FHAD1: variants seen among roughly 807,000 people sequenced by gnomAD.
FHAD1 encodes forkhead-associated domain-containing protein 1.
Under a neutral mutation model 191.3 loss-of-function variants are expected in FHAD1, and 146 were observed. The observed-to-expected ratio is 0.76, with a 90% CI of 0.67 to 0.88. The LOEUF is 0.88. Among genes scored for constraint, FHAD1 ranks in the 40% least tolerant of loss-of-function variants. The probability of loss-of-function intolerance (pLI) is 0.00; values close to 1 mark genes in which losing one functional copy is unlikely to be tolerated. For missense variants in FHAD1, 1,635 were observed against 1,785.8 expected, an observed-to-expected ratio of 0.92 and a Z score of 1.52; for synonymous variants, 616 against 672.3, an observed-to-expected ratio of 0.92 and a Z score of 1.29.
intron 3 of FHAD1, among the ~76,000 whole-genome samples, chr1:15,275,183 C>T (rs1032135881): frequency 6.6e-6 from 1 of 152,140 alleles, no homozygotes; most frequent in Non-Finnish European, 1.5e-5. Context: ...AGGATGGTCT[C>T]GATCTCCTGA....
intron 4 of FHAD1, among the ~76,000 whole-genome samples, chr1:15,293,390 T>C (rs183817433): frequency 1.2e-3 from 180 of 152,342 alleles, no homozygotes; most frequent in African/African-American, 4.2e-3. Flanking sequence ...CTCTGCATAT[T>C]TCTGAGATTC....
At chr1:15,350,810 T>TGGG (rs1456583294) in intron 19 of FHAD1, among the ~76,000 whole-genome samples, 1 of 151,910 alleles carries the variant, frequency 6.6e-6, no homozygotes, top group Non-Finnish European at 1.5e-5. Context: ...CACAGCAGGG[T>TGGG]GGGGGCTGCA....
intron 4 of FHAD1, among the ~76,000 whole-genome samples, chr1:15,292,879 T>C (rs1339440528): frequency 1.3e-5 from 2 of 152,098 alleles, no homozygotes; most frequent in African/African-American, 4.8e-5. Context: ...CCCTTGAAGA[T>C]AGGAGTTCAA....
At chr1:15,354,992 T>G (rs796096087) in intron 20 of FHAD1, among the ~76,000 whole-genome samples, 1 of 152,192 alleles carries the variant, frequency 6.6e-6, no homozygotes, top group South Asian at 2.1e-4. Flanking sequence ...GTGGATCACC[T>G]GAGGTCAGGA....
At chr1:15,358,473 C>G (rs1171383773) in intron 21 of FHAD1, among the ~76,000 whole-genome samples, 190 bp downstream of exon 21, 2 of 152,232 alleles carry the variant, frequency 1.3e-5, no homozygotes, top group Non-Finnish European at 1.5e-5. Context: ...GTTCTCTACC[C>G]ACCAGATGCC....
intron 26 of FHAD1, among the ~76,000 whole-genome samples, chr1:15,373,787 A>G (rs1160195354): frequency 6.6e-6 from 1 of 152,226 alleles, no homozygotes; most frequent in Non-Finnish European, 1.5e-5. Context: ...TAGAGGCTAC[A>G]GTGAGCCGTG....
In FHAD1 at chr1:15,289,477, G is replaced by T; in HGVS notation, c.379G>T (p.Ala127Ser). 1 of 1,551,744 alleles carries T rather than the reference G, an allele frequency of 6.4e-7. No homozygotes were observed. The highest frequency in any genetic ancestry group is 1.2e-5 in the South Asian group (1 of 84,058). Reference sequence around the variant, plus strand: ...TCGTGCCACACAGCAGCCAAACCAGGCCCCCCCACCATCACATATCCCCTT... The same window carrying T: ...TCGTGCCACACAGCAGCCAAACCAGTCCCCCCCACCATCACATATCCCCTT... ...PPRATQQPNQAPPPSHIPFHQ... is the reference protein window; with the variant it reads ...PPRATQQPNQSPPPSHIPFHQ... The change falls in exon 4 of 34, where the codon GCC (alanine) becomes TCC (serine). Residue 127 changes from alanine (A) to serine (S), a missense_variant. Transcript: ENST00000688493. The surrounding 1 kb of genome is among the most constrained non-coding windows in gnomAD (Gnocchi z 4.2).
chr1:15,351,043 A>G (rs114435108), intron 19 of FHAD1, among the ~76,000 whole-genome samples: 79 of 152,298 alleles, frequency 5.2e-4, no homozygotes, highest in African/African-American at 1.5e-3. Context: ...CAGCCTGGAT[A>G]TGAACATATA....
chr1:15,386,063 TTA>T (rs1415706501), intron 31 of FHAD1, among the ~76,000 whole-genome samples: 9 of 152,154 alleles, frequency 5.9e-5, no homozygotes, highest in Non-Finnish European at 1.3e-4. Flanking sequence ...CAGATAGGGC[TTA>T]GGGTTCAAGC....
At position 15,301,173 on chromosome 1, in the gene FHAD1, C is replaced by T. The variant is rs117301380; in HGVS notation, c.679-32C>T. 700 of 1,534,586 alleles carry T rather than the reference C, an allele frequency of 4.6e-4. 6 individuals carry two copies. The East Asian group carries it at 0.013, about 29-fold the overall frequency. On this transcript the variant is annotated intron_variant, in intron 5 of 33. Transcript: ENST00000688493. Reference sequence around the variant, plus strand: ...GCTCAGCCTCACACCTAGGCCCACACCTAGTAAGCCTCCCATCTGATCTCT... The same window carrying T: ...GCTCAGCCTCACACCTAGGCCCACATCTAGTAAGCCTCCCATCTGATCTCT...
At chr1:15,369,087 C>T (rs1697366986) in intron 25 of FHAD1, among the ~76,000 whole-genome samples, 2 of 152,152 alleles carry the variant, frequency 1.3e-5, no homozygotes, top group Admixed American at 1.3e-4. Context: ...GTTAGCCACA[C>T]ATAAAGTGTT....
rs774683712 is a variant in FHAD1 at position 15,317,897 on chromosome 1, T to C, written c.1334T>C (p.Val445Ala). 6.4e-6 allele frequency: 10 copies of C among 1,551,664 alleles called. No individual in the cohort carries two copies. Among genetic ancestry groups the C allele is most frequent in the Non-Finnish European group, 8.7e-6 (10 of 1,146,918 alleles). The change falls in exon 10 of 34, where the codon GTG (valine) becomes GCG (alanine). Residue 445 changes from valine (V) to alanine (A), a missense_variant. Physicochemically the swap from Val to Ala is moderately conservative, Grantham distance 64. Coordinates refer to ENST00000688493, the MANE Select transcript of FHAD1 (RefSeq NM_001391957.1). ...AGGAAGAGTTGTACTGAACAAAGCGTGATCTCTAGGACTCTGAGAGAAAAA... is the reference window on the plus strand; with the variant it reads ...AGGAAGAGTTGTACTGAACAAAGCGCGATCTCTAGGACTCTGAGAGAAAAA... Reference protein sequence around the residue: ...ELRKSCTEQSVISRTLREKSK... With the variant: ...ELRKSCTEQSAISRTLREKSK...
At chr1:15,272,649 C>G in intron 3 of FHAD1, 120 bp downstream of exon 3, 2 of 903,020 alleles carry the variant, frequency 2.2e-6, no homozygotes, top group Non-Finnish European at 3.4e-6. Context: ...ACGCTGCACA[C>G]AGGCAGCAGA....
At chr1:15,249,552 C>A (rs1044399807) in intron 1 of FHAD1, among the ~76,000 whole-genome samples, 4 of 152,278 alleles carry the variant, frequency 2.6e-5, no homozygotes, top group Admixed American at 2.0e-4. Context: ...AAATAAAATT[C>A]TCATTATATG....
rs1385951458 is a variant in FHAD1 at position 15,238,942 on chromosome 1, A to G, written c.-15+2181A>G. 3.9e-5 allele frequency among the ~76,000 whole-genome samples: 6 copies of G among 152,224 alleles called. No individual in the cohort carries two copies. In the East Asian group the frequency reaches 1.2e-3, roughly 29 times the overall value. ...TACTTTAAGAGACGGGGGTCTCACT[A>G]AGTCACCCAGGCAGGAGTGCAGTGG... On this transcript the variant is annotated intron_variant, in intron 1 of 33. Coordinates refer to the FHAD1 transcript ENST00000683790.
At chr1:15,271,174 G>A (rs1435990659) in intron 2 of FHAD1, among the ~76,000 whole-genome samples, 1 of 150,864 alleles carries the variant, frequency 6.6e-6, no homozygotes, top group African/African-American at 2.4e-5. Flanking sequence ...TTAGCTGGGC[G>A]TGGTAGCACA....
At chr1:15,296,545 G>T in intron 4 of FHAD1, 139 bp from the exon 5 acceptor site, 2 of 837,844 alleles carry the variant, frequency 2.4e-6, no homozygotes, top group East Asian at 2.8e-5. Context: ...GAGCCACAGC[G>T]CCCGGCCTTT....
At chr1:15,272,927 T>C (rs1369285323) in intron 3 of FHAD1, among the ~76,000 whole-genome samples, 1 of 152,204 alleles carries the variant, frequency 6.6e-6, no homozygotes, top group Non-Finnish European at 1.5e-5. Context: ...CCCAGGTCTC[T>C]GCCTTCTTGA....
upstream of FHAD1, among the ~76,000 whole-genome samples, chr1:15,242,995 A>G (rs1296632985): frequency 1.3e-5 from 2 of 152,220 alleles, no homozygotes; most frequent in Non-Finnish European, 2.9e-5. Context: ...CAGGCCCAGG[A>G]CAGGTGGGGC....
Sources: allele counts gnomAD v4.1 joint callset (sites outside exome capture counted in the v4.1 genomes callset), GRCh38; gene constraint gnomAD v4.1.1; non-coding constraint Gnocchi (gnomAD v3.1); transcripts MANE v1.5; gene names NCBI Gene and HGNC (gene_info 2026-07-23, HGNC 2026-07-21).